Variants in LINGO2 observed in about 807,000 individuals in gnomAD.
The protein encoded by LINGO2 is leucine-rich repeat and immunoglobulin-like domain-containing nogo receptor-interacting protein 2.
LINGO2 carries 14 observed loss-of-function variants against 30.6 expected under a neutral mutation model. The observed-to-expected ratio is 0.46, with a 90% confidence interval of 0.30 to 0.72. LINGO2 has a LOEUF of 0.72. Ranked by LOEUF, LINGO2 falls within the 30% of genes least tolerant of loss-of-function variation. The probability of loss-of-function intolerance (pLI) is 0.07; values close to 1 mark genes in which losing one functional copy is unlikely to be tolerated. For missense variants in LINGO2, 729 were observed against 751.7 expected (o/e 0.97, Z 0.35); for synonymous variants, 317 against 288.5 (o/e 1.10, Z -1.00).
chr9:28,887,158 A>C, the LINGO2 span, among the ~76,000 whole-genome samples: 1 of 152,182 alleles, frequency 6.6e-6, no homozygotes, highest in African/African-American at 2.4e-5. Flanking sequence ...GTCAGTTTCT[A>C]ACCCCAGACT....
At chr9:28,873,134 C>T in the LINGO2 span, among the ~76,000 whole-genome samples, 1 of 151,816 alleles carries the variant, frequency 6.6e-6, no homozygotes, top group Non-Finnish European at 1.5e-5. Context: ...TTTGGGAGGC[C>T]GAGGTGGGCG....
At chr9:29,091,452 A>G in the LINGO2 span, among the ~76,000 whole-genome samples, 1 of 152,100 alleles carries the variant, frequency 6.6e-6, no homozygotes, top group African/African-American at 2.4e-5. Flanking sequence ...GTAGAAAAAC[A>G]GAATCTATTT....
At position 28,594,350 on chromosome 9, in the gene LINGO2, G is replaced by A. The variant is rs1277251020; in HGVS notation, c.-365+75850C>T. 3.9e-5 allele frequency among the ~76,000 whole-genome samples: 6 copies of A among 151,944 alleles called. No individual in the cohort carries two copies. The East Asian group carries it at 9.7e-4, about 24-fold the overall frequency. ...TTTTGCCAAAATTATCATGGTTCATGGTTCATTGCCTTCAAAATTATCAAC... is the reference window on the plus strand; with the variant it reads ...TTTTGCCAAAATTATCATGGTTCATAGTTCATTGCCTTCAAAATTATCAAC... On this transcript the variant is annotated intron_variant, in intron 1 of 5. Transcript: ENST00000379992.
chr9:28,241,526 G>A (rs1381536356), intron 4 of LINGO2, among the ~76,000 whole-genome samples: 1 of 152,064 alleles, frequency 6.6e-6, no homozygotes, highest in Admixed American at 6.5e-5. Context: ...GGGGGCAGGG[G>A]AGCCACCCTC....
chr9:29,075,383 C>T, the LINGO2 span, among the ~76,000 whole-genome samples: 1 of 151,990 alleles, frequency 6.6e-6, no homozygotes, highest in Non-Finnish European at 1.5e-5. Context: ...TTACATTGGC[C>T]AAAATATATC....
chr9:29,109,938 G>A, the LINGO2 span, among the ~76,000 whole-genome samples: 2 of 152,156 alleles, frequency 1.3e-5, no homozygotes, highest in Non-Finnish European at 2.9e-5. Flanking sequence ...CTATTCATAG[G>A]TGTAAAACGA....
At chr9:28,639,585 T>C (rs1827470424) in intron 1 of LINGO2, among the ~76,000 whole-genome samples, 1 of 152,198 alleles carries the variant, frequency 6.6e-6, no homozygotes, top group Non-Finnish European at 1.5e-5. Flanking sequence ...TGGCCTTCTT[T>C]GTCTCTTTTG....
At chr9:27,940,501 T>C in the LINGO2 span, 1 of 152,204 alleles carries the variant, frequency 6.6e-6, no homozygotes, top group Non-Finnish European at 1.5e-5. Flanking sequence ...AACTTGGCTT[T>C]ATTCCACATT....
chr9:27,977,372 TAGAG>T (rs978959408), intron 5 of LINGO2, among the ~76,000 whole-genome samples: 11 of 151,822 alleles, frequency 7.2e-5, no homozygotes, highest in African/African-American at 2.7e-4. Context: ...CTTCAGGTGA[TAGAG>T]AGCTCGAAGG....
chr9:29,129,733 A>G, the LINGO2 span, among the ~76,000 whole-genome samples: 1 of 152,130 alleles, frequency 6.6e-6, no homozygotes, highest in East Asian at 1.9e-4. Context: ...GAAACAAAGT[A>G]ATAAGGAACC....
chr9:28,982,942 C>G, the LINGO2 span, among the ~76,000 whole-genome samples: 1 of 151,500 alleles, frequency 6.6e-6, no homozygotes, highest in Non-Finnish European at 1.5e-5. Flanking sequence ...ATATATGAAT[C>G]TTTTGTTTGC....
chr9:28,061,854 A>G (rs1284199466), intron 4 of LINGO2, among the ~76,000 whole-genome samples: 1 of 152,152 alleles, frequency 6.6e-6, no homozygotes, highest in Non-Finnish European at 1.5e-5. Context: ...CAGTTTTCAC[A>G]TCTGTAAAAT....
intron 3 of LINGO2, among the ~76,000 whole-genome samples, chr9:28,340,052 C>G (rs1825716649): frequency 6.6e-6 from 1 of 152,114 alleles, no homozygotes; most frequent in Non-Finnish European, 1.5e-5. Flanking sequence ...CTCAGTAAAA[C>G]AGGCAAATAC....
chr9:28,771,452 GGTGTGTGTGTGTGTGTGTGTGTGTGT>G, the LINGO2 span, among the ~76,000 whole-genome samples: 2 of 120,290 alleles, frequency 1.7e-5, no homozygotes, highest in East Asian at 2.4e-4. Context: ...TTTCCTATTT[GGTGTGTGTGTGTGTGTGTGTGTGTGT>G]GTGTGTGTGT....
At chr9:27,991,562 G>A (rs1821400182) in intron 5 of LINGO2, among the ~76,000 whole-genome samples, 1 of 151,966 alleles carries the variant, frequency 6.6e-6, no homozygotes, top group African/African-American at 2.4e-5. Context: ...CACTGGAGGT[G>A]GTTGCCCCCA....
At chr9:28,625,945 T>C (rs1826647522) in intron 1 of LINGO2, among the ~76,000 whole-genome samples, 1 of 152,102 alleles carries the variant, frequency 6.6e-6, no homozygotes, top group Non-Finnish European at 1.5e-5. Flanking sequence ...CTTGGGTAAA[T>C]ACCGAATAGG....
intron 2 of LINGO2, among the ~76,000 whole-genome samples, chr9:28,426,447 CT>C (rs1253010686): frequency 6.6e-6 from 1 of 151,852 alleles, no homozygotes; most frequent in African/African-American, 2.4e-5. Context: ...TATTTACAAC[CT>C]ATTAATTTGG....
chr9:28,153,747 A>G (rs1304010540), intron 4 of LINGO2, among the ~76,000 whole-genome samples: 1 of 152,186 alleles, frequency 6.6e-6, no homozygotes, highest in African/African-American at 2.4e-5. Flanking sequence ...ATTCCTTTAT[A>G]CCAGAGCTAT....
chr9:28,826,273 A>C, the LINGO2 span, among the ~76,000 whole-genome samples: 4 of 152,318 alleles, frequency 2.6e-5, no homozygotes, highest in Non-Finnish European at 5.9e-5. Context: ...TGGCTGTTAC[A>C]GTAAGAAATT....
Sources: gnomAD v4.1 joint callset for allele counts (sites outside exome capture counted in the v4.1 genomes callset) on GRCh38, gnomAD v4.1.1 for gene constraint, MANE v1.5 for transcripts, NCBI Gene and HGNC (gene_info 2026-07-23, HGNC 2026-07-21) for gene names.